The following FSHR variants were observed in gnomAD, a reference collection of about 807,000 sequenced individuals.
FSHR encodes the protein follicle-stimulating hormone receptor.
In FSHR, 46 loss-of-function variants were observed where a neutral mutation model predicts 52.1. The observed-to-expected ratio is 0.88, with a 90% CI of 0.70 to 1.13. FSHR has a LOEUF of 1.13. Ranked by LOEUF, FSHR falls within the 50% of genes most tolerant of loss-of-function variation. FSHR has a pLI of 0.00. For synonymous variants in FSHR, 399 were observed against 309.6 expected, an observed-to-expected ratio of 1.29 and a Z score of -3.03; for missense variants, 964 against 834.6, an observed-to-expected ratio of 1.16 and a Z score of -1.91.
intron 4 of FSHR, among the ~76,000 whole-genome samples, chr2:49,014,216 A>G (rs1028486127): frequency 2.6e-5 from 4 of 152,196 alleles, no homozygotes; most frequent in Non-Finnish European, 4.4e-5. Flanking sequence ...CGACAGTGAC[A>G]TAATCCCTTC....
intron 6 of FSHR, among the ~76,000 whole-genome samples, chr2:48,984,605 T>C (rs1675406022): frequency 6.6e-6 from 1 of 152,016 alleles, no homozygotes; most frequent in South Asian, 2.1e-4. Flanking sequence ...TTTTGTAATA[T>C]AGGCCTAATA....
chr2:49,015,414 T>G (rs1160971940), intron 4 of FSHR, among the ~76,000 whole-genome samples: 1 of 152,208 alleles, frequency 6.6e-6, no homozygotes, highest in Non-Finnish European at 1.5e-5. Context: ...GAAATAATTA[T>G]TCTACAAATA....
At chr2:48,989,379 C>T (rs1212889374) in intron 5 of FSHR, among the ~76,000 whole-genome samples, 1 of 150,622 alleles carries the variant, frequency 6.6e-6, no homozygotes, top group Non-Finnish European at 1.5e-5. Context: ...ACCTCCCAGG[C>T]TCCAGTGATC....
At chr2:49,033,418 A>G (rs1668170804) in intron 2 of FSHR, among the ~76,000 whole-genome samples, 1 of 152,210 alleles carries the variant, frequency 6.6e-6, no homozygotes, top group Non-Finnish European at 1.5e-5. Flanking sequence ...TCTTTCTTCT[A>G]GCACCTAAAT....
intron 4 of FSHR, among the ~76,000 whole-genome samples, chr2:49,002,710 A>G (rs1666944562): frequency 6.6e-6 from 1 of 152,036 alleles, no homozygotes; most frequent in Admixed American, 6.6e-5. Flanking sequence ...GGGGATTACA[A>G]TTTGGATTAC....
chr2:49,052,714 C>T (rs1002258266), intron 2 of FSHR, among the ~76,000 whole-genome samples: 1 of 152,182 alleles, frequency 6.6e-6, no homozygotes, highest in African/African-American at 2.4e-5. Flanking sequence ...GTAGAATCAT[C>T]AGCCTCTCCT....
chr2:49,067,903 G>A (rs1350060205), intron 2 of FSHR, among the ~76,000 whole-genome samples: 1 of 151,880 alleles, frequency 6.6e-6, no homozygotes, highest in African/African-American at 2.4e-5. Flanking sequence ...CTCTGAAAGA[G>A]AGTGGATGTC....
chr2:49,013,258 A>C (rs1667342759), intron 4 of FSHR, among the ~76,000 whole-genome samples: 1 of 151,394 alleles, frequency 6.6e-6, no homozygotes. Context: ...GTCAGAAATA[A>C]ATTTCTGTTG....
chr2:49,062,661 C>G (rs1669357635), intron 2 of FSHR, among the ~76,000 whole-genome samples: 1 of 152,014 alleles, frequency 6.6e-6, no homozygotes, highest in African/African-American at 2.4e-5. Flanking sequence ...GGAAACTACT[C>G]ATCAAAGGAT....
intron 4 of FSHR, among the ~76,000 whole-genome samples, chr2:48,997,771 C>A (rs1450601437): frequency 6.6e-6 from 1 of 152,134 alleles, no homozygotes; most frequent in Admixed American, 6.6e-5. Context: ...TCATGTCTTA[C>A]ATCTCCCTAG....
At chr2:49,104,102 T>A (rs1558443102) in intron 1 of FSHR, among the ~76,000 whole-genome samples, 1 of 152,130 alleles carries the variant, frequency 6.6e-6, no homozygotes, top group Non-Finnish European at 1.5e-5. Flanking sequence ...GAAAGGTCAT[T>A]ATCTAGCAAA....
intron 1 of FSHR, among the ~76,000 whole-genome samples, chr2:49,130,388 G>A (rs1388015268): frequency 1.3e-5 from 2 of 152,168 alleles, no homozygotes; most frequent in African/African-American, 2.4e-5. Context: ...GGAAGGCCTG[G>A]ACTCCCTGAT....
At chr2:49,033,827 A>G (rs962288059) in intron 2 of FSHR, among the ~76,000 whole-genome samples, 8 of 152,124 alleles carry the variant, frequency 5.3e-5, no homozygotes, top group Admixed American at 4.6e-4. Context: ...TAATAAGAGA[A>G]TTGTCATGAA....
intron 1 of FSHR, among the ~76,000 whole-genome samples, chr2:49,111,706 C>T (rs1032112242): frequency 6.6e-6 from 1 of 152,244 alleles, no homozygotes; most frequent in East Asian, 1.9e-4. Flanking sequence ...CCCCACGGCT[C>T]CTCAGCAAGT....
At chr2:48,983,859 C>T (rs906703029) in intron 6 of FSHR, among the ~76,000 whole-genome samples, 3 of 152,018 alleles carry the variant, frequency 2.0e-5, no homozygotes, top group African/African-American at 7.3e-5. Flanking sequence ...TGTAGAACAG[C>T]CATCCTGATT....
intron 4 of FSHR, among the ~76,000 whole-genome samples, chr2:48,992,594 G>A (rs1675835161): frequency 6.6e-6 from 1 of 152,098 alleles, no homozygotes; most frequent in Non-Finnish European, 1.5e-5. Context: ...CTGATTTTTG[G>A]TTCTCATGAA....
intron 1 of FSHR, among the ~76,000 whole-genome samples, chr2:49,110,550 A>C (rs1425899940): frequency 2.6e-5 from 4 of 152,166 alleles, no homozygotes; most frequent in Non-Finnish European, 4.4e-5. Flanking sequence ...TTGTTAGTTG[A>C]CTACATATTT....
intron 1 of FSHR, among the ~76,000 whole-genome samples, chr2:49,133,323 G>C (rs1347822043): frequency 6.6e-6 from 1 of 152,138 alleles, no homozygotes; most frequent in African/African-American, 2.4e-5. Context: ...TCTTGTCCCA[G>C]TTCATGAGGC....
intron 1 of FSHR, among the ~76,000 whole-genome samples, chr2:49,111,725 T>C (rs1240654985): frequency 6.6e-6 from 1 of 152,158 alleles, no homozygotes; most frequent in East Asian, 1.9e-4. Flanking sequence ...GTGTCTATTA[T>C]GAGTTTTCAC....
Sources: allele counts gnomAD v4.1 joint callset (sites outside exome capture counted in the v4.1 genomes callset), GRCh38; gene constraint gnomAD v4.1.1; transcripts MANE v1.5; gene names NCBI Gene and HGNC (gene_info 2026-07-23, HGNC 2026-07-21).